The following KRT2 variants were observed in gnomAD, a reference collection of about 807,000 sequenced individuals.
The protein encoded by KRT2 is keratin, type II cytoskeletal 2 epidermal.
KRT2 carries 37 observed loss-of-function variants against 48.5 expected under a neutral mutation model. The observed-to-expected ratio is 0.76, with a 90% CI of 0.59 to 1.00. The LOEUF (loss-of-function observed/expected upper bound fraction) is 1.00, where lower values mean the gene tolerates loss of function less well. KRT2 is among the 50% of genes least tolerant of loss of function. The pLI, the probability that KRT2 is intolerant of heterozygous loss-of-function variation, is 0.00. For synonymous variants in KRT2, 324 were observed against 312.2 expected, an observed-to-expected ratio of 1.04 and a Z score of -0.40; for missense variants, 880 against 815.2, an observed-to-expected ratio of 1.08 and a Z score of -0.97.
Position 52,651,710 on chromosome 12 carries a change from C to T in KRT2, c.433G>A (p.Gly145Arg). 1 of 1,614,078 alleles carries T rather than the reference C, an allele frequency of 6.2e-7. No individual in the cohort carries two copies. The highest frequency in any genetic ancestry group is 8.5e-7 in the Non-Finnish European group (1 of 1,180,002). Residue 145 changes from glycine (G) to arginine (R), a missense_variant, in exon 1 of 9, where the codon GGA becomes AGA. Transcript: ENST00000309680. ...LGGPGGFGPG[G>R]YPGGIHEVSV... ...ACTTCGTGGATGCCACCAGGGTATC[C>T]TCCAGGCCCAAAGCCACCAGGACCC...
rs149447253 is a variant in KRT2, at chr12:52,652,009, C to A, written c.134G>T (p.Arg45Leu). 2 of 1,611,144 alleles carry A rather than the reference C, an allele frequency of 1.2e-6. No individual in the cohort carries two copies. ...GAAGCCCCCGCCACCACCACCATGG[C>A]GGCTCAAGCAGGAGAAGCTGGAAGT... ...RSTSSFSCLSRHGGGGGGFGG... is the reference protein window; with the variant it reads ...RSTSSFSCLSLHGGGGGGFGG... Residue 45 changes from arginine (R) to leucine (L), a missense_variant, in exon 1 of 9, where the codon CGC (arginine) becomes CTC (leucine). Arg to Leu is a moderately radical substitution (Grantham distance 102). Transcript: ENST00000309680.
At position 52,652,110 on chromosome 12, in the gene KRT2, TC is replaced by T; in HGVS notation, c.32del (p.Gly11GlufsTer33). MSCQISCKSR[G>X]RGGGGGGFRG... ...GGAATCCTCCTCCACCTCCTCCTCT[TC>T]CTCGAGATTTGCAAGAGATCTGACA... On this transcript the variant is annotated frameshift_variant, in exon 1 of 9. Transcript: ENST00000309680. LOFTEE classifies it high-confidence loss of function. 3 of 1,568,680 alleles carry T rather than the reference TC, an allele frequency of 1.9e-6. No individual in the cohort carries two copies. Among genetic ancestry groups the T allele is most frequent in the Non-Finnish European group, 2.6e-6 (3 of 1,163,032 alleles).
At position 52,651,652 on chromosome 12, in the gene KRT2, T is replaced by G; in HGVS notation, c.491A>C (p.Asn164Thr). Reference protein sequence around the residue: ...SVNQSLLQPLNVKVDPEIQNV... With the variant: ...SVNQSLLQPLTVKVDPEIQNV... ...CTGGATCTCTGGGTCAACTTTCACG[T>G]TGAGAGGCTGCAGGAGGCTCTGGTT... The change falls in exon 1 of 9, where the codon AAC becomes ACC. Residue 164 changes from asparagine to threonine, a missense_variant. Asn to Thr is a moderately conservative substitution (Grantham distance 65). Coordinates refer to ENST00000309680, the MANE Select transcript of KRT2 (RefSeq NM_000423.3). 6.2e-7 allele frequency: 1 copy of G among 1,614,046 alleles called. No individual in the cohort carries two copies. The highest frequency in any genetic ancestry group is 8.5e-7 in the Non-Finnish European group (1 of 1,179,980).
At chr12:52,649,681 G>C (rs1408803062) in intron 3 of KRT2, among the ~76,000 whole-genome samples, 2 of 152,206 alleles carry the variant, frequency 1.3e-5, no homozygotes, top group East Asian at 3.8e-4. Context: ...GGCTTTAAGT[G>C]GGTTACTACT....
At position 52,645,540 on chromosome 12, in the gene KRT2, G is replaced by A. The variant is rs1236062383; in HGVS notation, c.1499C>T (p.Thr500Ile). Residue 500 changes from threonine to isoleucine, a missense_variant, in exon 8 of 9, where the codon ACT becomes ATT. Thr to Ile is a moderately conservative substitution (Grantham distance 89, BLOSUM62 -1). Coordinates refer to ENST00000309680, the MANE Select transcript of KRT2 (RefSeq NM_000423.3). ...GACCACACCCCATTACTTACACACA[G>A]TCACATTGCTGCTGAGGTCTCCAGA... ...RMSGDLSSNV[T>I]VSVTSSTISS... is the part of the protein sequence containing the mutation. 2 of 1,614,048 alleles carry A rather than the reference G, an allele frequency of 1.2e-6. No individual in the cohort carries two copies. Among genetic ancestry groups the A allele is most frequent in the East Asian group, 2.2e-5 (1 of 44,902 alleles).
In KRT2 at chr12:52,645,427, T is replaced by A. The variant is rs369853959; in HGVS notation, c.1512A>T (p.Thr504=). The A allele has an allele frequency of 6.2e-7, 1 of 1,614,106 alleles. No homozygotes were observed. The highest frequency in any genetic ancestry group is 1.3e-5 in the African/African-American group (1 of 74,922). Residue 504 remains threonine (T), a synonymous_variant, in exon 9 of 9, where the codon ACA becomes ACT. Transcript: ENST00000309680. Reference sequence around the variant, plus strand: ...CCACATTTGATGAAATGGTGCTGCTTGTCACAGCTGCAGAGAGAGGTGGTG... The same window carrying A: ...CCACATTTGATGAAATGGTGCTGCTAGTCACAGCTGCAGAGAGAGGTGGTG... ...DLSSNVTVSV[T]SSTISSNVAS...
chr12:52,644,959 T>C lies in KRT2; in HGVS notation c.*60A>G, dbSNP rs1254555414. On this transcript the variant is annotated 3_prime_UTR_variant, in exon 9 of 9. Coordinates refer to ENST00000309680, the MANE Select transcript of KRT2 (RefSeq NM_000423.3). ...CCAGTTAGAGGTACAGAGACAGGCT[T>C]CTACATTCTGGAGTGGGAGAGTCTG... 5.0e-6 allele frequency: 8 copies of C among 1,588,790 alleles called. No individual in the cohort carries two copies. The Admixed American group carries it at 1.2e-4, about 23-fold the overall frequency.
intron 7 of KRT2, 142 bp downstream of exon 7, chr12:52,646,598 G>T: frequency 2.4e-6 from 2 of 847,730 alleles, no homozygotes; most frequent in Middle Eastern, 3.4e-4. Flanking sequence ...GTTTCTGCTT[G>T]GGGAACACAG....
chr12:52,646,778 G>A lies in KRT2; in HGVS notation c.1431C>T (p.Ile477=), dbSNP rs1216944632. ...MNVKLALDVE[I]ATYRKLLEGE... is the part of the protein sequence containing the mutation. The stretch of plus-strand genomic sequence containing the variant: ...CCTCCAGCAGTTTGCGGTAGGTGGC[G>A]ATCTCCACATCTAGGGCCAGCTTCA... Residue 477 remains isoleucine (I), a synonymous_variant, in exon 7 of 9, where the codon ATC becomes ATT. Coordinates refer to ENST00000309680, the MANE Select transcript of KRT2 (RefSeq NM_000423.3). The A allele has an allele frequency of 5.0e-6, 8 of 1,614,100 alleles. No individual in the cohort carries two copies. The highest frequency in any genetic ancestry group is 3.3e-4 in the Middle Eastern group (2 of 6,062).
chr12:52,647,892 TC>T (rs1565639216), intron 5 of KRT2, 37 bp from the exon 6 acceptor site: 1 of 1,613,622 alleles, frequency 6.2e-7, no homozygotes, highest in Non-Finnish European at 8.5e-7. Flanking sequence ...GCAAGGAAGT[TC>T]CAGCCTGGCT....
Position 52,646,805 on chromosome 12 carries a change from G to A in KRT2, c.1404C>T (p.Asn468=), listed in dbSNP as rs371221462. ...RLLRDYQELM[N]VKLALDVEIA... ...TCTCCACATCTAGGGCCAGCTTCAC[G>A]TTCATCAGCTCCTGGTAGTCACGCA... The change falls in exon 7 of 9, where the codon AAC becomes AAT. Residue 468 remains asparagine, a synonymous_variant. Coordinates refer to ENST00000309680, the MANE Select transcript of KRT2 (RefSeq NM_000423.3). 1.2e-5 allele frequency: 20 copies of A among 1,614,072 alleles called. No homozygotes were observed. The highest frequency in any genetic ancestry group is 8.0e-5 in the African/African-American group (6 of 75,000).
chr12:52,647,364 T>A (rs1381259448), intron 6 of KRT2, among the ~76,000 whole-genome samples: 1 of 152,210 alleles, frequency 6.6e-6, no homozygotes, highest in Admixed American at 6.5e-5. Flanking sequence ...TGCCCCTCTA[T>A]GAAACCAGTC....
At position 52,646,897 on chromosome 12, in the gene KRT2, C is replaced by T; in HGVS notation, c.1312G>A (p.Ala438Thr). Residue 438 changes from alanine (A) to threonine (T), a missense_variant, in exon 7 of 9, where the codon GCC (alanine) becomes ACC (threonine). By Grantham distance (58) the Ala-to-Thr change is moderately conservative. Coordinates refer to ENST00000309680, the MANE Select transcript of KRT2 (RefSeq NM_000423.3). ...EQRGEHALKD[A>T]RNKLNDLEEA... ...TCCAGGTCATTCAACTTGTTCCTGG[C>T]ATCCTTGAGGGCATGCTCCCCACGC... The T allele has an allele frequency of 6.2e-7, 1 of 1,614,208 alleles. No individual in the cohort carries two copies. The highest frequency in any genetic ancestry group is 8.5e-7 in the Non-Finnish European group (1 of 1,180,024).
At chr12:52,646,240 G>T (rs1941159773) in intron 7 of KRT2, among the ~76,000 whole-genome samples, 1 of 152,090 alleles carries the variant, frequency 6.6e-6, no homozygotes. Flanking sequence ...GGAAGCAAAG[G>T]GTGCCTCTTT....
intron 6 of KRT2, 89 bp downstream of exon 6, chr12:52,647,640 AT>A: frequency 3.4e-6 from 5 of 1,474,306 alleles, no homozygotes; most frequent in Non-Finnish European, 4.7e-6. Context: ...AGTGTCTCTC[AT>A]CTCTCACATG....
Position 52,648,042 on chromosome 12 carries a change from T to A in KRT2, c.1122+131A>T, listed in dbSNP as rs1046251045. 3 of 1,249,512 alleles carry A rather than the reference T, an allele frequency of 2.4e-6. No homozygotes were observed. In the African/African-American group the frequency reaches 4.4e-5, roughly 18 times the overall value. 77.4% of individuals were successfully genotyped at this position (1,249,512 alleles called of 1,614,324 possible). ...AAAGGACTTGGTGCCATTCTCAACATCCTTTCTTGGGAATGGTGCCCAACT... is the reference window on the plus strand; with the variant it reads ...AAAGGACTTGGTGCCATTCTCAACAACCTTTCTTGGGAATGGTGCCCAACT... On this transcript the variant is annotated intron_variant, in intron 5 of 8. Coordinates refer to ENST00000309680, the MANE Select transcript of KRT2 (RefSeq NM_000423.3).
At chr12:52,648,456 G>C in intron 4 of KRT2, 119 bp from the exon 5 acceptor site, 1 of 884,984 alleles carries the variant, frequency 1.1e-6, no homozygotes, top group Non-Finnish European at 1.9e-6. Context: ...CACTAGGTGG[G>C]ATGAAAATCA....
Position 52,646,627 on chromosome 12 carries a change from T to C in KRT2, c.1469+113A>G, listed in dbSNP as rs2232559. The C allele has an allele frequency of 0.57, 647,301 of 1,137,268 alleles. 187,742 individuals carry two copies. The highest frequency in any genetic ancestry group is 0.88 in the East Asian group (36,868 of 41,894). The allele number at this position is 1,137,268 out of a possible 1,614,324, so 70.4% of individuals were successfully genotyped here. On this transcript the variant is annotated intron_variant, in intron 7 of 8. Coordinates refer to ENST00000309680, the MANE Select transcript of KRT2 (RefSeq NM_000423.3). ...AACACAGAGAATGTCAGTTCTCAGT[T>C]GTCAGGAGGGCCTGCCCCATTCTCT...
At chr12:52,648,885 T>C (rs954792512) in intron 4 of KRT2, 122 bp downstream of exon 4, 1 of 728,162 alleles carries the variant, frequency 1.4e-6, no homozygotes, top group African/African-American at 1.7e-5. Flanking sequence ...CCTGGAATGA[T>C]GGCAGATTGA....
Sources: gnomAD v4.1 joint callset for allele counts (sites outside exome capture counted in the v4.1 genomes callset) on GRCh38, gnomAD v4.1.1 for gene constraint, MANE v1.5 for transcripts, NCBI Gene and HGNC (gene_info 2026-07-23, HGNC 2026-07-21) for gene names.